The following FBN2 variants were observed in gnomAD, a reference collection of about 807,000 sequenced individuals.
The protein encoded by FBN2 is fibrillin-2.
FBN2 carries 105 observed loss-of-function variants against 355.6 expected under a neutral mutation model. That is an observed-to-expected ratio of 0.30 (90% CI 0.25 to 0.35). The LOEUF is 0.35. Ranked by LOEUF, FBN2 falls within the 10% of genes least tolerant of loss-of-function variation. FBN2 has a pLI of 1.00. For synonymous variants in FBN2, 1,350 were observed against 1,301.2 expected, an observed-to-expected ratio of 1.04 and a Z score of -0.81; for missense variants, 3,280 against 3,758.7, an observed-to-expected ratio of 0.87 and a Z score of 3.33.
chr5:128,337,891 A>T (rs1581225915), intron 27 of FBN2, 106 bp downstream of exon 27: 2 of 1,257,108 alleles, frequency 1.6e-6, no homozygotes, highest in African/African-American at 1.5e-5. Flanking sequence ...CCACCTTTTA[A>T]TAAGCTAGAT....
intron 48 of FBN2, among the ~76,000 whole-genome samples, chr5:128,297,704 T>A (rs1462484358): frequency 6.6e-6 from 1 of 152,158 alleles, no homozygotes; most frequent in East Asian, 1.9e-4. Context: ...TCTTCCTCCA[T>A]CCTTTTATTT....
At chr5:128,431,164 C>G (rs1481236981) in intron 7 of FBN2, among the ~76,000 whole-genome samples, 11 of 152,204 alleles carry the variant, frequency 7.2e-5, no homozygotes. Flanking sequence ...TAAGGTAGAT[C>G]TACAAAGAAA....
intron 7 of FBN2, among the ~76,000 whole-genome samples, chr5:128,416,253 G>A (rs1255625034): frequency 6.6e-6 from 1 of 152,128 alleles, no homozygotes; most frequent in African/African-American, 2.4e-5. Flanking sequence ...TCAAACTCCT[G>A]ACCTCAGGTG....
intron 28 of FBN2, 129 bp downstream of exon 28, chr5:128,335,859 T>C: frequency 1.0e-6 from 1 of 984,116 alleles, no homozygotes; most frequent in Non-Finnish European, 1.6e-6. Context: ...ATAACTGAGA[T>C]CTGCCCCTAG....
rs149895588 is a variant in FBN2 at position 128,517,326 on chromosome 5, A to C, written c.628+1947T>G. ...TCCCAGAAAAATGAAGATCATCTCT[A>C]CCAATTATGATTATGTTTGAAATTT... On this transcript the variant is annotated intron_variant, in intron 5 of 64. Coordinates refer to ENST00000262464, the MANE Select transcript of FBN2 (RefSeq NM_001999.4). Among the ~76,000 whole-genome samples, 859 of 152,254 alleles carry C rather than the reference A, an allele frequency of 5.6e-3. 10 individuals are homozygous for C. The highest frequency in any genetic ancestry group is 0.02 in the African/African-American group (811 of 41,570).
intron 11 of FBN2, among the ~76,000 whole-genome samples, chr5:128,382,306 A>G (rs1752252560): frequency 6.6e-6 from 1 of 152,096 alleles, no homozygotes; most frequent in African/African-American, 2.4e-5. Flanking sequence ...CTTCAGGAAC[A>G]TAATTCTCCA....
intron 20 of FBN2, among the ~76,000 whole-genome samples, chr5:128,353,023 A>G (rs1001701059): frequency 6.6e-6 from 1 of 152,046 alleles, no homozygotes; most frequent in East Asian, 1.9e-4. Context: ...AAACACAAAA[A>G]TTAGCTGGGA....
chr5:128,347,848 G>A (rs978559277), intron 23 of FBN2, among the ~76,000 whole-genome samples: 3 of 151,992 alleles, frequency 2.0e-5, no homozygotes, highest in Admixed American at 1.3e-4. Context: ...GTGCGACCTC[G>A]GCTCACTGCA....
chr5:128,449,463 G>A (rs1482866966), intron 6 of FBN2, among the ~76,000 whole-genome samples: 2 of 137,138 alleles, frequency 1.5e-5, no homozygotes, highest in African/African-American at 2.8e-5. Context: ...CTATATAATA[G>A]TATACTATTA....
intron 5 of FBN2, among the ~76,000 whole-genome samples, chr5:128,494,359 G>C (rs1213904892): frequency 6.6e-6 from 1 of 152,164 alleles, no homozygotes. Flanking sequence ...GCAATTAAAA[G>C]GAGGCTGGTA....
intron 6 of FBN2, among the ~76,000 whole-genome samples, chr5:128,464,211 T>C (rs1184636441): frequency 2.0e-5 from 3 of 152,170 alleles, no homozygotes; most frequent in African/African-American, 4.8e-5. Flanking sequence ...CCAGAGATCA[T>C]GACCAACCCA....
chr5:128,519,568 A>G (rs542962591), intron 4 of FBN2, among the ~76,000 whole-genome samples, 200 bp from the exon 5 acceptor site: 5 of 152,170 alleles, frequency 3.3e-5, no homozygotes, highest in African/African-American at 4.8e-5. Context: ...TCAGACAAAA[A>G]CTTACATACT....
chr5:128,411,549 C>T (rs1753063043), intron 7 of FBN2, among the ~76,000 whole-genome samples: 1 of 152,184 alleles, frequency 6.6e-6, no homozygotes, highest in Non-Finnish European at 1.5e-5. Flanking sequence ...TCTCTGATGT[C>T]CAGCTGCCTC....
chr5:128,275,723 A>G (rs371233872), intron 59 of FBN2, among the ~76,000 whole-genome samples: 3 of 152,208 alleles, frequency 2.0e-5, no homozygotes, highest in African/African-American at 7.2e-5. Flanking sequence ...AAGCTTAGAT[A>G]AGCAACAACA....
chr5:128,483,916 C>T (rs2064946125), intron 5 of FBN2, among the ~76,000 whole-genome samples: 1 of 152,036 alleles, frequency 6.6e-6, no homozygotes, highest in Non-Finnish European at 1.5e-5. Context: ...CATATCAATC[C>T]CACTCTGGTG....
intron 3 of FBN2, among the ~76,000 whole-genome samples, chr5:128,528,494 G>C (rs1331613864): frequency 6.6e-6 from 1 of 152,196 alleles, no homozygotes; most frequent in Non-Finnish European, 1.5e-5. Flanking sequence ...CACTAGACAA[G>C]ACCACTCTGA....
intron 9 of FBN2, 141 bp downstream of exon 9, chr5:128,394,981 T>C (rs1418043057): frequency 1.2e-6 from 1 of 868,000 alleles, no homozygotes; most frequent in Non-Finnish European, 1.9e-6. Context: ...AGACAGGATT[T>C]CGCCATGTTG....
intron 1 of FBN2, 62 bp from the exon 2 acceptor site, chr5:128,536,546 G>A: frequency 8.4e-7 from 1 of 1,189,110 alleles, no homozygotes; most frequent in Non-Finnish European, 1.2e-6. Flanking sequence ...CATATAAACG[G>A]TCTTCGTAAG....
At chr5:128,526,468 G>A (rs1335780534) in intron 4 of FBN2, among the ~76,000 whole-genome samples, 1 of 152,102 alleles carries the variant, frequency 6.6e-6, no homozygotes, top group Admixed American at 6.6e-5. Flanking sequence ...GAGCCAAAAG[G>A]TGAAAGCAAC....
Sources: allele counts gnomAD v4.1 joint callset (sites outside exome capture counted in the v4.1 genomes callset), GRCh38; gene constraint gnomAD v4.1.1; transcripts MANE v1.5; gene names NCBI Gene and HGNC (gene_info 2026-07-23, HGNC 2026-07-21).